EML3: variants seen among roughly 807,000 people sequenced by gnomAD.
EML3 encodes echinoderm microtubule-associated protein-like 3.
In EML3, 53 loss-of-function variants were observed where a neutral mutation model predicts 106.7. The observed-to-expected ratio is 0.50, with a 90% CI of 0.40 to 0.62. The LOEUF (loss-of-function observed/expected upper bound fraction) is 0.62. Ranked by LOEUF, EML3 falls within the 20% of genes least tolerant of loss-of-function variation. The pLI is 0.00. For synonymous variants in EML3, 499 were observed against 489.6 expected, an observed-to-expected ratio of 1.02 and a Z score of -0.25; for missense variants, 994 against 1,209.1, an observed-to-expected ratio of 0.82 and a Z score of 2.64.
chr11:62,602,994 G>A, intron 20 of EML3, 105 bp from the exon 21 acceptor site: 1 of 1,478,604 alleles, frequency 6.8e-7, no homozygotes, highest in Non-Finnish European at 9.0e-7. Flanking sequence ...CCACTGCCGC[G>A]TTCCAGGCAA....
chr11:62,609,091 A>G lies in EML3; in HGVS notation c.800T>C (p.Val267Ala). ...GTAGACCACCTCCCCAGAGCGCAAC[A>G]CAAACAGATTAGAGCGGGAGTCACG... ...RGRDSRSNLF[V>A]LRSGEVVYFI... The change falls in exon 7 of 22, where the codon GTG (valine) becomes GCG (alanine). Residue 267 changes from valine (V) to alanine (A), a missense_variant. Around this residue, in one of 3 missense-constraint regions of EML3, gnomAD observed 713 missense variants for 920.5 expected, o/e 0.77. Transcript: ENST00000394773. 1 of 1,614,070 alleles carries G rather than the reference A, an allele frequency of 6.2e-7. No homozygotes were observed. The highest frequency in any genetic ancestry group is 8.5e-7 in the Non-Finnish European group (1 of 1,180,012).
chr11:62,602,928 C>G (rs1255738644), intron 20 of EML3, 39 bp from the exon 21 acceptor site: 1 of 1,497,050 alleles, frequency 6.7e-7, no homozygotes, highest in Admixed American at 2.1e-5. Context: ...CTCCTACCCA[C>G]CGCCACCCAC....
chr11:62,602,603 C>A lies in EML3; in HGVS notation c.2563G>T (p.Val855Phe). Residue 855 changes from valine to phenylalanine, a missense_variant, in exon 22 of 22, where the codon GTC becomes TTC. Around this residue, in one of 3 missense-constraint regions of EML3, gnomAD observed 713 missense variants for 920.5 expected, o/e 0.77. Transcript: ENST00000394773. ...CTGGCGTCCTTGCCGCCCAGCGAGA[C>A]GAGGTGCGAGTCGTCGTGCGTGAAT... ...VRFTHDDSHLVSLGGKDASIF... is the reference protein window; with the variant it reads ...VRFTHDDSHLFSLGGKDASIF... 1 of 1,562,778 alleles carries A rather than the reference C, an allele frequency of 6.4e-7. No individual in the cohort carries two copies. The highest frequency in any genetic ancestry group is 8.6e-7 in the Non-Finnish European group (1 of 1,156,994).
In EML3 at chr11:62,607,060, G is replaced by A. The variant is rs1045051234; in HGVS notation, c.1402C>T (p.Leu468Phe). Residue 468 changes from leucine to phenylalanine, a missense_variant, in exon 12 of 22, where the codon CTT becomes TTT. By Grantham distance (22) the Leu-to-Phe change is conservative. This residue lies in a region of EML3 where 713 missense variants were observed against 920.5 expected (regional missense o/e 0.77). Transcript: ENST00000394773. Reference sequence around the variant, plus strand: ...CCAGTGAGAATGTCTCCATCCGGAAGGAACACAAAGCAAGGGATAAACTTG... The same window carrying A: ...CCAGTGAGAATGTCTCCATCCGGAAAGAACACAAAGCAAGGGATAAACTTG... ...KPKFIPCFVF[L>F]PDGDILTGDS... 1 of 1,614,136 alleles carries A rather than the reference G, an allele frequency of 6.2e-7. No individual in the cohort carries two copies. Among genetic ancestry groups the A allele is most frequent in the East Asian group, 2.2e-5 (1 of 44,878 alleles).
chr11:62,608,417 C>A (rs910355023), intron 9 of EML3, 121 bp from the exon 10 acceptor site: 100 of 1,333,322 alleles, frequency 7.5e-5, no homozygotes, highest in Non-Finnish European at 1.0e-4. Context: ...CACACATGGC[C>A]CTTTCTCAAG....
In EML3 at chr11:62,604,006, C is replaced by G. The variant is rs773358190; in HGVS notation, c.2107G>C (p.Val703Leu). 14 of 1,613,992 alleles carry G rather than the reference C, an allele frequency of 8.7e-6. No individual in the cohort carries two copies. Among genetic ancestry groups the G allele is most frequent in the Admixed American group, 3.3e-5 (2 of 59,996 alleles). The change falls in exon 18 of 22, where the codon GTG (valine) becomes CTG (leucine). Residue 703 changes from valine (V) to leucine (L), a missense_variant. Around this residue, in one of 3 missense-constraint regions of EML3, gnomAD observed 713 missense variants for 920.5 expected, o/e 0.77. Coordinates refer to ENST00000394773, the MANE Select transcript of EML3 (RefSeq NM_153265.3). ...LYLAIGSHDN[V>L]IYIYSVSSDG... is the part of the protein sequence containing the mutation. ...CTGGAAACACTATAGATGTAGATCACGTTGTCATGGGAACCAATGGCCAGG... is the reference window on the plus strand; with the variant it reads ...CTGGAAACACTATAGATGTAGATCAGGTTGTCATGGGAACCAATGGCCAGG...
intron 12 of EML3, among the ~76,000 whole-genome samples, chr11:62,606,621 C>A (rs1019794707): frequency 5.9e-5 from 9 of 152,334 alleles, no homozygotes; most frequent in African/African-American, 2.2e-4. Context: ...CTTTGGGAGG[C>A]CAAGGCGGGC....
At position 62,605,214 on chromosome 11, in the gene EML3, G is replaced by A. The variant is rs756204463; in HGVS notation, c.1915-34C>T. On this transcript the variant is annotated intron_variant, in intron 15 of 21. Transcript: ENST00000394773. The surrounding 1 kb of genome is among the most constrained non-coding windows in gnomAD (Gnocchi z 5.2). Reference sequence around the variant, plus strand: ...GGGGAGAAGGTGAATTCAAGATGATGTCTTTCTAGTGAGGGAACCAGAGTG... The same window carrying A: ...GGGGAGAAGGTGAATTCAAGATGATATCTTTCTAGTGAGGGAACCAGAGTG... 4 of 1,602,868 alleles carry A rather than the reference G, an allele frequency of 2.5e-6. No individual in the cohort carries two copies. Among genetic ancestry groups the A allele is most frequent in the Admixed American group, 1.7e-5 (1 of 58,780 alleles).
intron 9 of EML3, 110 bp from the exon 10 acceptor site, chr11:62,608,406 A>G (rs1484528035): frequency 7.4e-7 from 1 of 1,344,270 alleles, no homozygotes; most frequent in Admixed American, 1.7e-5. Context: ...GAAAAAGTTG[A>G]CACACATGGC....
chr11:62,603,690 A>G (rs1942365597), intron 19 of EML3, 39 bp downstream of exon 19: 1 of 1,583,446 alleles, frequency 6.3e-7, no homozygotes, highest in Non-Finnish European at 8.7e-7. Flanking sequence ...AACCCACTCC[A>G]ATTACCCTCT....
intron 18 of EML3, 30 bp from the exon 19 acceptor site, chr11:62,603,846 A>G: frequency 6.2e-7 from 1 of 1,613,038 alleles, no homozygotes; most frequent in Admixed American, 1.7e-5. Flanking sequence ...GTTTTAAAGT[A>G]TCCCATCCAT....
chr11:62,612,392 G>T lies in EML3; in HGVS notation c.22+44C>A, dbSNP rs1350666777. On this transcript the variant is annotated intron_variant, in intron 1 of 21. Coordinates refer to ENST00000394773, the MANE Select transcript of EML3 (RefSeq NM_153265.3). ...GCTCTGGCATAACCCGACGAGCCGGGCGCTCCGGGAAGGGGCACGCCGCCC... is the reference window on the plus strand; with the variant it reads ...GCTCTGGCATAACCCGACGAGCCGGTCGCTCCGGGAAGGGGCACGCCGCCC... The T allele has an allele frequency of 2.7e-6, 4 of 1,496,432 alleles. No homozygotes were observed. In the Admixed American group the frequency reaches 8.3e-5, roughly 31 times the overall value. 92.7% of individuals were successfully genotyped at this position (1,496,432 alleles called of 1,614,324 possible).
Position 62,603,165 on chromosome 11 carries a change from C to T in EML3, c.2340G>A (p.Leu780=). The T allele has an allele frequency of 6.2e-7, 1 of 1,614,124 alleles. No homozygotes were observed. The highest frequency in any genetic ancestry group is 8.5e-7 in the Non-Finnish European group (1 of 1,180,020). Residue 780 remains leucine, a synonymous_variant, in exon 20 of 22, where the codon CTG becomes CTA. Coordinates refer to ENST00000394773, the MANE Select transcript of EML3 (RefSeq NM_153265.3). ...DREWATYTCV[L]GFHVYGVWPD... ...CCTGCTCACCGTAGACGTGAAAGCCCAGCACACAGGTGTAGGTAGCCCATT... is the reference window on the plus strand; with the variant it reads ...CCTGCTCACCGTAGACGTGAAAGCCTAGCACACAGGTGTAGGTAGCCCATT...
At position 62,607,650 on chromosome 11, in the gene EML3, C is replaced by T. The variant is rs1590752055; in HGVS notation, c.1362+16G>A. On this transcript the variant is annotated intron_variant, in intron 11 of 21. Transcript: ENST00000394773. The stretch of plus-strand genomic sequence containing the variant: ...ACTCTGCCCTCCCCATCACCTTCCA[C>T]TTATCCATGCCTCACCCCAAAGACA... 7 of 1,608,314 alleles carry T rather than the reference C, an allele frequency of 4.4e-6. 1 individual carries two copies. The Admixed American group carries it at 1.2e-4, about 27-fold the overall frequency.
In EML3 at chr11:62,602,396, G is replaced by A; in HGVS notation, c.*79C>T. ...CAGTCCAGGAAAGAGTCGGCCCCTAGTCGTGGGGGATTGGGCCAGGGAAGG... is the reference window on the plus strand; with the variant it reads ...CAGTCCAGGAAAGAGTCGGCCCCTAATCGTGGGGGATTGGGCCAGGGAAGG... On this transcript the variant is annotated 3_prime_UTR_variant, in exon 22 of 22. Coordinates refer to ENST00000394773, the MANE Select transcript of EML3 (RefSeq NM_153265.3). The A allele has an allele frequency of 6.4e-7, 1 of 1,550,890 alleles. No homozygotes were observed. The highest frequency in any genetic ancestry group is 8.7e-7 in the Non-Finnish European group (1 of 1,146,694).
intron 19 of EML3, 29 bp from the exon 20 acceptor site, chr11:62,603,276 C>T (rs1261249125): frequency 6.2e-7 from 1 of 1,601,288 alleles, no homozygotes; most frequent in Non-Finnish European, 8.5e-7. Context: ...CCCAGCTCAG[C>T]TCTCACCCTG....
At position 62,605,243 on chromosome 11, in the gene EML3, C is replaced by A. The variant is rs1942453310; in HGVS notation, c.1915-63G>T. ...TTCTAGTGAGGGAACCAGAGTGAAC[C>A]CCTTGTCCTCCTAACTTCAAAGCCA... On this transcript the variant is annotated intron_variant, in intron 15 of 21. Coordinates refer to ENST00000394773, the MANE Select transcript of EML3 (RefSeq NM_153265.3). The surrounding 1 kb of genome is among the most constrained non-coding windows in gnomAD (Gnocchi z 5.2). 2 of 1,536,086 alleles carry A rather than the reference C, an allele frequency of 1.3e-6. No homozygotes were observed. The highest frequency in any genetic ancestry group is 2.7e-5 in the African/African-American group (2 of 72,852).
chr11:62,606,051 C>A lies in EML3; in HGVS notation c.1656+12G>T. The A allele has an allele frequency of 6.2e-7, 1 of 1,613,794 alleles. No homozygotes were observed. The highest frequency in any genetic ancestry group is 1.1e-5 in the South Asian group (1 of 91,052). On this transcript the variant is annotated intron_variant, in intron 13 of 21. Coordinates refer to ENST00000394773, the MANE Select transcript of EML3 (RefSeq NM_153265.3). ...TTCTCCCTCACTCCCTTGACCCCAG[C>A]CCAGCCCTCACCTCAGCCTCCTGGA...
In EML3 at chr11:62,607,543, A is replaced by C. The variant is rs1342550027; in HGVS notation, c.1362+123T>G. On this transcript the variant is annotated intron_variant, in intron 11 of 21. Coordinates refer to ENST00000394773, the MANE Select transcript of EML3 (RefSeq NM_153265.3). ...CAAGAGCAAGACTCCGTCTCAAAAG[A>C]AAAAAAAAAAAAGGTCACAGGGGCA... The C allele has an allele frequency of 2.9e-5, 10 of 349,466 alleles. No homozygotes were observed. In the South Asian group the frequency reaches 7.2e-4, roughly 25 times the overall value. The allele number at this position is 349,466 out of a possible 1,614,324, so 21.6% of individuals were successfully genotyped here.
Sources: gnomAD v4.1 joint callset for allele counts (sites outside exome capture counted in the v4.1 genomes callset) on GRCh38, gnomAD v4.1.1 for gene constraint, gnomAD v4.1.1 regional missense constraint, Gnocchi (gnomAD v3.1) non-coding constraint, MANE v1.5 for transcripts, NCBI Gene and HGNC (gene_info 2026-07-23, HGNC 2026-07-21) for gene names.